The following OSBPL10 variants were observed in gnomAD, a reference collection of about 807,000 sequenced individuals.
OSBPL10 encodes the protein oxysterol binding protein like 10.
A neutral mutation model predicts 81.7 loss-of-function variants in OSBPL10; 49 were observed. That is an observed-to-expected ratio of 0.60 (90% CI 0.48 to 0.76). The LOEUF (loss-of-function observed/expected upper bound fraction) is 0.76, where lower values mean the gene tolerates loss of function less well. OSBPL10 is among the 30% of genes least tolerant of loss of function. OSBPL10 has a pLI of 0.00. For synonymous variants in OSBPL10, 419 were observed against 383.6 expected, an observed-to-expected ratio of 1.09 and a Z score of -1.08; for missense variants, 923 against 987.8, an observed-to-expected ratio of 0.93 and a Z score of 0.88.
At chr3:31,824,213 G>A (rs1054512869) in intron 4 of OSBPL10, among the ~76,000 whole-genome samples, 4 of 152,102 alleles carry the variant, frequency 2.6e-5, no homozygotes. Flanking sequence ...TGGGCCTGAA[G>A]AAACAGGAAG....
At chr3:31,731,538 G>A (rs939009417) in intron 6 of OSBPL10, among the ~76,000 whole-genome samples, 1 of 151,176 alleles carries the variant, frequency 6.6e-6, no homozygotes, top group Non-Finnish European at 1.5e-5. Flanking sequence ...GCCCAGGCTG[G>A]AGTGCAATGG....
At chr3:31,797,133 T>A (rs1009862420) in intron 4 of OSBPL10, among the ~76,000 whole-genome samples, 4 of 151,860 alleles carry the variant, frequency 2.6e-5, no homozygotes, top group Non-Finnish European at 4.4e-5. Flanking sequence ...TAGCTGGGAT[T>A]ACAGGCATGC....
chr3:31,808,624 C>T (rs1699581681), intron 4 of OSBPL10, among the ~76,000 whole-genome samples: 1 of 152,164 alleles, frequency 6.6e-6, no homozygotes, highest in African/African-American at 2.4e-5. Context: ...TACTGTATTC[C>T]AAATTTCAAA....
intron 1 of OSBPL10, among the ~76,000 whole-genome samples, chr3:31,907,619 C>CCAAA (rs1308181377): frequency 1.6e-5 from 1 of 63,872 alleles, no homozygotes; most frequent in Non-Finnish European, 2.6e-5. Context: ...ACCTCCATCT[C>CCAAA]AAAAAAAAAA....
chr3:31,921,901 A>C (rs548109918), intron 1 of OSBPL10, among the ~76,000 whole-genome samples: 1 of 152,364 alleles, frequency 6.6e-6, no homozygotes, highest in East Asian at 1.9e-4. Context: ...TGATGTGATA[A>C]AAATGCCACT....
Position 31,697,432 on chromosome 3 carries a change from T to C in OSBPL10, c.1245+4927A>G, listed in dbSNP as rs77754719. On this transcript the variant is annotated intron_variant, in intron 7 of 11. Coordinates refer to ENST00000396556, the MANE Select transcript of OSBPL10 (RefSeq NM_017784.5). ...ACCAGCAATAGACAATTGAAACAAA[T>C]GGCAACTAATAATAAATGGCAATTA... 2.4e-4 allele frequency among the ~76,000 whole-genome samples: 37 copies of C among 151,838 alleles called. No individual in the cohort carries two copies. In the East Asian group the frequency reaches 7.2e-3, roughly 29 times the overall value.
At chr3:31,957,338 C>T (rs1272577356) in intron 1 of OSBPL10, among the ~76,000 whole-genome samples, 1 of 152,204 alleles carries the variant, frequency 6.6e-6, no homozygotes, top group African/African-American at 2.4e-5. Context: ...TCCATCTCCC[C>T]TGAGCACAGT....
At position 31,664,116 on chromosome 3, in the gene OSBPL10, A is replaced by T. The variant is rs888016124; in HGVS notation, c.2213T>A (p.Leu738His). 6.2e-7 allele frequency: 1 copy of T among 1,613,900 alleles called. No individual in the cohort carries two copies. The highest frequency in any genetic ancestry group is 1.3e-5 in the African/African-American group (1 of 74,960). ...ATATTTGGGCTTCCATGGTGTGCGG[A>T]GGTTCTCGCGCTTCCGTTCCTCCAC... ...QRVEERKREN[L>H]RTPWKPKYFI... Residue 738 changes from leucine to histidine, a missense_variant, in exon 11 of 12, where the codon CTC becomes CAC. Coordinates refer to ENST00000396556, the MANE Select transcript of OSBPL10 (RefSeq NM_017784.5).
At chr3:31,802,127 C>T (rs909922491) in intron 4 of OSBPL10, among the ~76,000 whole-genome samples, 27 of 151,306 alleles carry the variant, frequency 1.8e-4, no homozygotes, top group Non-Finnish European at 7.4e-5. Context: ...CCAGTCCGCC[C>T]GCCTCGGCCT....
intron 3 of OSBPL10, among the ~76,000 whole-genome samples, chr3:31,832,792 G>T (rs948878348): frequency 6.6e-6 from 1 of 152,154 alleles, no homozygotes; most frequent in African/African-American, 2.4e-5. Context: ...AGCTAGACAG[G>T]CAAGGCAGCA....
At chr3:31,711,838 A>G (rs767850908) in intron 6 of OSBPL10, among the ~76,000 whole-genome samples, 1 of 152,246 alleles carries the variant, frequency 6.6e-6, no homozygotes, top group Non-Finnish European at 1.5e-5. Flanking sequence ...ATTTAAATGG[A>G]TAAATTGTAT....
At chr3:32,016,851 T>C (rs1699317222) in intron 2 of OSBPL10, among the ~76,000 whole-genome samples, 1 of 152,184 alleles carries the variant, frequency 6.6e-6, no homozygotes, top group Non-Finnish European at 1.5e-5. Context: ...ACCAGGTACT[T>C]AATCTGTCTG....
chr3:31,871,414 A>G (rs1701323458), intron 3 of OSBPL10, among the ~76,000 whole-genome samples: 1 of 152,172 alleles, frequency 6.6e-6, no homozygotes, highest in Non-Finnish European at 1.5e-5. Context: ...CAAACATCAG[A>G]AGGAAAAAAC....
chr3:32,016,544 A>G (rs1004965908), intron 2 of OSBPL10, among the ~76,000 whole-genome samples: 1 of 152,206 alleles, frequency 6.6e-6, no homozygotes, highest in Non-Finnish European at 1.5e-5. Flanking sequence ...GTGTATACAT[A>G]TGTAACAAAC....
At position 31,981,194 on chromosome 3, in the gene OSBPL10, CG is replaced by C; in HGVS notation, c.-16del. 7.3e-7 allele frequency: 1 copy of C among 1,364,382 alleles called. No individual in the cohort carries two copies. Among genetic ancestry groups the C allele is most frequent in the Non-Finnish European group, 9.4e-7 (1 of 1,061,494 alleles). The allele number at this position is 1,364,382 out of a possible 1,614,324, so 84.5% of individuals were successfully genotyped here. Reference sequence around the variant, plus strand: ...GCCCTCTCCATGGTCCGTGGGCGCCCGGGACGCGGGTGCCCGCCGCGGTGGC... The same window carrying C: ...GCCCTCTCCATGGTCCGTGGGCGCCCGGACGCGGGTGCCCGCCGCGGTGGC... On this transcript the variant is annotated 5_prime_UTR_variant, in exon 1 of 12. Transcript: ENST00000396556. This position sits in a 1 kb window ranked among gnomAD's most constrained non-coding sequence, Gnocchi z 4.5.
intron 2 of OSBPL10, among the ~76,000 whole-genome samples, chr3:32,007,762 A>C (rs1699217927): frequency 6.6e-6 from 1 of 151,922 alleles, no homozygotes; most frequent in Non-Finnish European, 1.5e-5. Context: ...GCTAGAGTGC[A>C]ATGGCACCAT....
chr3:31,996,506 A>AG (rs1699091090), intron 2 of OSBPL10, among the ~76,000 whole-genome samples: 3 of 146,328 alleles, frequency 2.1e-5, no homozygotes, highest in Non-Finnish European at 1.5e-5. Flanking sequence ...CCAGGGGGAG[A>AG]AGGGGGTTAG....
At chr3:31,940,841 T>C (rs1256309342) in intron 1 of OSBPL10, among the ~76,000 whole-genome samples, 2 of 152,148 alleles carry the variant, frequency 1.3e-5, no homozygotes, top group African/African-American at 2.4e-5. Flanking sequence ...GGTTTCACCA[T>C]ATTGGCCAGG....
intron 1 of OSBPL10, among the ~76,000 whole-genome samples, chr3:31,955,593 G>A (rs1697985740): frequency 2.0e-5 from 3 of 152,036 alleles, no homozygotes; most frequent in Admixed American, 1.3e-4. Flanking sequence ...AGCCCTGTGG[G>A]GTCTCCTACA....
Sources: allele counts gnomAD v4.1 joint callset (sites outside exome capture counted in the v4.1 genomes callset), GRCh38; gene constraint gnomAD v4.1.1; non-coding constraint Gnocchi (gnomAD v3.1); transcripts MANE v1.5; gene names NCBI Gene and HGNC (gene_info 2026-07-23, HGNC 2026-07-21).